The following SLC25A14 variants were observed in gnomAD, a reference collection of about 807,000 sequenced individuals.
The protein encoded by SLC25A14 is brain mitochondrial carrier protein 1.
In SLC25A14, 8 loss-of-function variants were observed where a neutral mutation model predicts 28.1. That is an observed-to-expected ratio of 0.28 (90% confidence interval 0.17 to 0.51). The LOEUF (loss-of-function observed/expected upper bound fraction) is 0.51, where lower values mean the gene tolerates loss of function less well. SLC25A14 is among the 20% of genes least tolerant of loss of function. The probability of loss-of-function intolerance (pLI) is 0.97; values close to 1 mark genes in which losing one functional copy is unlikely to be tolerated. For missense variants in SLC25A14, 135 were observed against 263.8 expected, an observed-to-expected ratio of 0.51 and a Z score of 3.38; for synonymous variants, 74 against 90.6, an observed-to-expected ratio of 0.82 and a Z score of 1.04.
At chrX:130,345,331 A>G in intron 3 of SLC25A14, 56 bp downstream of exon 3, 2 of 751,362 alleles carry the variant, frequency 2.7e-6, no homozygotes, top group East Asian at 6.5e-5. Context: ...GTAGCTTATG[A>G]TGATGGTTAT....
chrX:130,365,534 C>T lies in SLC25A14; in HGVS notation c.720-7C>T. On this transcript the variant is annotated splice_polypyrimidine_tract_variant and splice_region_variant and intron_variant, in intron 8 of 10. Transcript: ENST00000545805. ...TGGGGTCGATCTACTTAAACTTTTCCTCTTAGTTCCAGCTTTACATGTGGT... is the reference window on the plus strand; with the variant it reads ...TGGGGTCGATCTACTTAAACTTTTCTTCTTAGTTCCAGCTTTACATGTGGT... 1 of 1,210,496 alleles carries T rather than the reference C, an allele frequency of 8.3e-7. No individual in the cohort carries two copies. The highest frequency in any genetic ancestry group is 1.1e-6 in the Non-Finnish European group (1 of 894,991).
In SLC25A14 at chrX:130,372,989, C is replaced by A. The variant is rs181912496; in HGVS notation, c.*39C>A. ...TGTGAGCCCAGCCCTGCCAGCCTTT[C>A]TACTCCTTTGCCCTTTTCCCGTGTT... On this transcript the variant is annotated 3_prime_UTR_variant, in exon 11 of 11. Coordinates refer to ENST00000545805, the MANE Select transcript of SLC25A14 (RefSeq NM_001282195.2). 231 of 1,028,950 alleles carry A rather than the reference C, an allele frequency of 2.2e-4. 2 individuals carry two copies. The highest frequency in any genetic ancestry group is 1.8e-3 in the Admixed American group (75 of 41,766). The allele number at this position is 1,028,950 out of a possible 1,213,427, so 84.8% of individuals were successfully genotyped here. A position where few individuals can be genotyped will look rare whatever the true frequency, so the allele number is the denominator to read the frequency against.
At chrX:130,358,227 T>A (rs1168811012) in intron 6 of SLC25A14, among the ~76,000 whole-genome samples, 1 of 112,429 alleles carries the variant, frequency 8.9e-6, no homozygotes, top group Non-Finnish European at 1.9e-5. Flanking sequence ...CAAAATTTTA[T>A]GGCTCCATAG....
chrX:130,368,693 C>T (rs929752569), intron 9 of SLC25A14, among the ~76,000 whole-genome samples: 1 of 112,188 alleles, frequency 8.9e-6, no homozygotes, highest in African/African-American at 3.2e-5. Flanking sequence ...ACTCTCACAG[C>T]GACCTTGTGG....
chrX:130,357,701 G>A (rs374918550), intron 6 of SLC25A14, among the ~76,000 whole-genome samples: 6 of 112,033 alleles, frequency 5.4e-5, no homozygotes, highest in African/African-American at 1.9e-4. Context: ...GTAGCATGGT[G>A]CTTCATAAAA....
chrX:130,353,178 C>T (rs1399207190), intron 6 of SLC25A14, among the ~76,000 whole-genome samples: 1 of 111,628 alleles, frequency 9.0e-6, no homozygotes, highest in Admixed American at 9.4e-5. Context: ...AGTCCTTTCC[C>T]CATGCTTATT....
intron 2 of SLC25A14, among the ~76,000 whole-genome samples, chrX:130,343,843 A>G (rs2033342298): frequency 1.8e-5 from 2 of 112,348 alleles, no homozygotes; most frequent in Non-Finnish European, 3.8e-5. Context: ...TTTTCACAAC[A>G]ACCCTATGAT....
intron 6 of SLC25A14, among the ~76,000 whole-genome samples, chrX:130,352,827 C>A (rs138195723): frequency 8.9e-6 from 1 of 112,214 alleles, no homozygotes; most frequent in East Asian, 2.8e-4. Flanking sequence ...TCATCAGATG[C>A]ATAGTTTGTG....
At chrX:130,354,110 T>TA (rs1234057303) in intron 6 of SLC25A14, among the ~76,000 whole-genome samples, 1 of 106,835 alleles carries the variant, frequency 9.4e-6, no homozygotes, top group Non-Finnish European at 1.9e-5. Context: ...TTTTTTTTTT[T>TA]ACTATTATTA....
In SLC25A14 at chrX:130,365,528, CTT is replaced by C. The variant is rs781199997; in HGVS notation, c.720-10_720-9del. The C allele has an allele frequency of 7.4e-6, 9 of 1,210,463 alleles. No homozygotes were observed. The South Asian group carries it at 1.6e-4, about 21-fold the overall frequency. ...TGAAAGTGGGGTCGATCTACTTAAA[CTT>C]TTCCTCTTAGTTCCAGCTTTACATG... On this transcript the variant is annotated splice_polypyrimidine_tract_variant and intron_variant, in intron 8 of 10. Coordinates refer to ENST00000545805, the MANE Select transcript of SLC25A14 (RefSeq NM_001282195.2).
chrX:130,356,311 C>T (rs1167707671), intron 6 of SLC25A14, among the ~76,000 whole-genome samples: 1 of 102,419 alleles, frequency 9.8e-6, no homozygotes, highest in Non-Finnish European at 2.0e-5. Flanking sequence ...ACTGCAACCT[C>T]CACTTCCTGG....
chrX:130,341,694 G>A (rs1044270117), intron 2 of SLC25A14, among the ~76,000 whole-genome samples: 7 of 112,337 alleles, frequency 6.2e-5, no homozygotes, highest in African/African-American at 2.3e-4. Context: ...GCATTTTGAA[G>A]ACAATTTTCA....
intron 2 of SLC25A14, among the ~76,000 whole-genome samples, chrX:130,343,768 G>C (rs1253101957): frequency 8.9e-6 from 1 of 111,853 alleles, no homozygotes; most frequent in Non-Finnish European, 1.9e-5. Context: ...AATAATGATA[G>C]TTAACTAACA....
At chrX:130,364,232 T>G (rs188830344) in intron 7 of SLC25A14, among the ~76,000 whole-genome samples, 8 of 112,259 alleles carry the variant, frequency 7.1e-5, no homozygotes, top group African/African-American at 2.6e-4. Context: ...GTTTGCCTTT[T>G]TTGTTGTAAG....
chrX:130,358,632 C>T lies in SLC25A14; in HGVS notation c.499-8C>T. The T allele has an allele frequency of 8.5e-7, 1 of 1,171,007 alleles. No homozygotes were observed. The highest frequency in any genetic ancestry group is 3.0e-5 in the East Asian group (1 of 33,645). On this transcript the variant is annotated splice_polypyrimidine_tract_variant and splice_region_variant and intron_variant, in intron 6 of 10. Transcript: ENST00000545805. ...ACAAAATAAGATGTTCACCTCTTTT[C>T]ATTTTAGATTCGAATGCAGGCTCAA...
chrX:130,361,711 G>A (rs2033970469), intron 7 of SLC25A14, among the ~76,000 whole-genome samples: 1 of 111,908 alleles, frequency 8.9e-6, no homozygotes, highest in African/African-American at 3.2e-5. Flanking sequence ...AGAGCACGGA[G>A]AGCACAGTCC....
chrX:130,353,336 C>T (rs1478229040), intron 6 of SLC25A14, among the ~76,000 whole-genome samples: 1 of 111,933 alleles, frequency 8.9e-6, no homozygotes, highest in East Asian at 2.8e-4. Flanking sequence ...TGTAAACTTA[C>T]TTCCATCTAT....
intron 6 of SLC25A14, among the ~76,000 whole-genome samples, chrX:130,356,331 A>G (rs1243453179): frequency 9.7e-6 from 1 of 103,279 alleles, no homozygotes; most frequent in African/African-American, 3.6e-5. Flanking sequence ...GGTTCAAGCA[A>G]TTCTCCTGCC....
At chrX:130,352,660 G>A (rs1396014261) in intron 6 of SLC25A14, among the ~76,000 whole-genome samples, 1 of 112,279 alleles carries the variant, frequency 8.9e-6, no homozygotes, top group Non-Finnish European at 1.9e-5. Context: ...ACATTTCTCT[G>A]ATGATTAGTG....
Sources: gnomAD v4.1 joint callset for allele counts (sites outside exome capture counted in the v4.1 genomes callset) on GRCh38, gnomAD v4.1.1 for gene constraint, MANE v1.5 for transcripts, NCBI Gene and HGNC (gene_info 2026-07-23, HGNC 2026-07-21) for gene names.